Variants in GPER1 observed in about 807,000 individuals in gnomAD.
GPER1 encodes G protein-coupled estrogen receptor 1, also known as G protein-coupled receptor 30.
A neutral mutation model predicts 0.6 loss-of-function variants in GPER1; 2 were observed. That is an observed-to-expected ratio of 3.41 (90% CI 1.39 to 10.72). The LOEUF is 10.72. Ranked by LOEUF, GPER1 falls within the 30% of genes most tolerant of loss-of-function variation. GPER1 has a pLI of 0.04. For synonymous variants in GPER1, 263 were observed against 247.6 expected (o/e 1.06, Z -0.58); for missense variants, 441 against 535.2 (o/e 0.82, Z 1.74).
At chr7:1,090,003 T>TA (rs915018251) in intron 1 of GPER1, among the ~76,000 whole-genome samples, 1 of 151,444 alleles carries the variant, frequency 6.6e-6, no homozygotes, top group Non-Finnish European at 1.5e-5. Flanking sequence ...AGAACCACTC[T>TA]AACCCGGGAG....
Position 1,088,285 on chromosome 7 carries a change from G to A in GPER1, c.-359G>A, listed in dbSNP as rs909961769. On this transcript the variant is annotated 5_prime_UTR_variant, in exon 1 of 2. Coordinates refer to ENST00000397088, the MANE Select transcript of GPER1 (RefSeq NM_001098201.3). The surrounding 1 kb of genome is among the most constrained non-coding windows in gnomAD (Gnocchi z 4.5). ...CCTCCAGCCTGATGGGCCTGACCAA[G>A]GAGGCTTCCAGGAGCACAGAAGGGG... 1 of 152,338 alleles carries A rather than the reference G, an allele frequency of 6.6e-6. No homozygotes were observed. The highest frequency in any genetic ancestry group is 2.1e-4 in the South Asian group (1 of 4,836). The allele number at this position is 152,338 out of a possible 1,614,324, so 9.4% of individuals were successfully genotyped here.
rs1477033396 is a variant in GPER1, at chr7:1,093,436, A to G, written c.*580A>G. ...TCTGGTGCACGCCTGAGCGTCCTCC[A>G]TCTTCCAGGATGGCAGCAATGGCGC... On this transcript the variant is annotated 3_prime_UTR_variant, in exon 2 of 2. Transcript: ENST00000397088. The G allele has an allele frequency of 8.6e-6, 4 of 463,696 alleles. No individual in the cohort carries two copies. The highest frequency in any genetic ancestry group is 1.8e-5 in the Non-Finnish European group (4 of 222,170). 28.7% of individuals were successfully genotyped at this position (463,696 alleles called of 1,614,324 possible).
At chr7:1,090,078 AC>A (rs1247650359) in intron 1 of GPER1, among the ~76,000 whole-genome samples, 1 of 152,052 alleles carries the variant, frequency 6.6e-6, no homozygotes, top group African/African-American at 2.4e-5. Flanking sequence ...AAAAAAAAAA[AC>A]ATTCAAAACA....
In GPER1 at chr7:1,089,690, T is replaced by C. The variant is rs1053613650; in HGVS notation, c.-323+1369T>C. Among the ~76,000 whole-genome samples, 7 of 149,536 alleles carry C rather than the reference T, an allele frequency of 4.7e-5. 1 individual carries two copies. Among genetic ancestry groups the C allele is most frequent in the Admixed American group, 4.7e-4 (7 of 14,994 alleles). ...CTCCCACCTCATCTTCCTGAAGTGC[T>C]GGGATTATAGGCCAGCCTTTTTTTT... is the stretch of plus-strand genomic sequence containing the variant. On this transcript the variant is annotated intron_variant, in intron 1 of 1. Coordinates refer to ENST00000397088, the MANE Select transcript of GPER1 (RefSeq NM_001098201.3).
intron 1 of GPER1, among the ~76,000 whole-genome samples, chr7:1,090,534 G>A (rs564448158): frequency 6.6e-6 from 1 of 151,554 alleles, no homozygotes; most frequent in Non-Finnish European, 1.5e-5. Context: ...GGCAGGTGAT[G>A]GGACCCTACC....
rs543666614 is a variant in GPER1, at chr7:1,092,486, G to A, written c.758G>A (p.Arg253Gln). 2.4e-5 allele frequency: 39 copies of A among 1,607,376 alleles called. No homozygotes were observed. Among genetic ancestry groups the A allele is most frequent in the South Asian group, 1.9e-4 (17 of 91,036 alleles). ...RAHRHRGLRP[R>Q]RQKALRMILA... is the part of the protein sequence containing the mutation. ...CACCGGCACCGTGGGCTGCGGCCCC[G>A]GCGGCAGAAGGCGCTCCGCATGATC... Residue 253 changes from arginine (R) to glutamine (Q), a missense_variant, in exon 2 of 2, where the codon CGG becomes CAG. Coordinates refer to ENST00000397088, the MANE Select transcript of GPER1 (RefSeq NM_001098201.3).
rs573519884 is a variant in GPER1 at position 1,093,280 on chromosome 7, G to A, written c.*424G>A. ...GGAACCCTAAAGCAAATCTGCCACC[G>A]TGGGGGAACTGACGCTGGAGATGCA... On this transcript the variant is annotated 3_prime_UTR_variant, in exon 2 of 2. Coordinates refer to ENST00000397088, the MANE Select transcript of GPER1 (RefSeq NM_001098201.3). 3.7e-5 allele frequency: 16 copies of A among 438,224 alleles called. No homozygotes were observed. The East Asian group carries it at 9.1e-4, about 25-fold the overall frequency. 27.1% of individuals were successfully genotyped at this position (438,224 alleles called of 1,614,324 possible).
At position 1,090,153 on chromosome 7, in the gene GPER1, T is replaced by C. The variant is rs535899125; in HGVS notation, c.-322-1254T>C. ...CCAAAGGAAAAACAACTCAAACCCATTTTGAAGTGTTAGTTTACTCCAGGG... is the reference window on the plus strand; with the variant it reads ...CCAAAGGAAAAACAACTCAAACCCACTTTGAAGTGTTAGTTTACTCCAGGG... On this transcript the variant is annotated intron_variant, in intron 1 of 1. Transcript: ENST00000397088. 5.3e-5 allele frequency among the ~76,000 whole-genome samples: 8 copies of C among 152,060 alleles called. No individual in the cohort carries two copies. In the South Asian group the frequency reaches 1.7e-3, roughly 32 times the overall value.
At chr7:1,089,756 C>T (rs12702016) in intron 1 of GPER1, among the ~76,000 whole-genome samples, 97,592 of 142,964 alleles carry the variant, frequency 0.68, 34,025 homozygotes, top group African/African-American at 0.86. Context: ...AATAGGTCAA[C>T]AAATCTCTAG....
At chr7:1,089,595 C>CT (rs922563230) in intron 1 of GPER1, among the ~76,000 whole-genome samples, 24 of 151,520 alleles carry the variant, frequency 1.6e-4, no homozygotes, top group African/African-American at 5.1e-4. Context: ...CTTTTTTTGT[C>CT]TTTTTTTAGT....
At chr7:1,090,015 C>T (rs1431620399) in intron 1 of GPER1, among the ~76,000 whole-genome samples, 1 of 151,456 alleles carries the variant, frequency 6.6e-6, no homozygotes, top group Non-Finnish European at 1.5e-5. Flanking sequence ...ACCCGGGAGG[C>T]GGCAGTTGCA....
rs180911837 is a variant in GPER1 at position 1,093,325 on chromosome 7, C to A, written c.*469C>A. On this transcript the variant is annotated 3_prime_UTR_variant, in exon 2 of 2. Coordinates refer to ENST00000397088, the MANE Select transcript of GPER1 (RefSeq NM_001098201.3). ...GATGCAAGGTGCTGGTGGGTCTGAG[C>A]TGGACGTCGCGGTGTGTCCTCTGTG... is the stretch of plus-strand genomic sequence containing the variant. The A allele has an allele frequency of 2.1e-3, 903 of 423,418 alleles. 4 individuals carry two copies. Among genetic ancestry groups the A allele is most frequent in the Non-Finnish European group, 3.6e-3 (724 of 200,880 alleles). The allele number at this position is 423,418 out of a possible 1,614,324, so 26.2% of individuals were successfully genotyped here.
In GPER1 at chr7:1,093,136, C is replaced by T. The variant is rs552109980; in HGVS notation, c.*280C>T. ...CGGTGACCAGCCTGTCACCCAGCTCCTCCCCGCCAACCCTGCCTGCCGCTG... is the reference window on the plus strand; with the variant it reads ...CGGTGACCAGCCTGTCACCCAGCTCTTCCCCGCCAACCCTGCCTGCCGCTG... On this transcript the variant is annotated 3_prime_UTR_variant, in exon 2 of 2. Transcript: ENST00000397088. 39 of 627,890 alleles carry T rather than the reference C, an allele frequency of 6.2e-5. No homozygotes were observed. In the African/African-American group the frequency reaches 6.7e-4, roughly 11 times the overall value. 38.9% of individuals were successfully genotyped at this position (627,890 alleles called of 1,614,324 possible). A position where few individuals can be genotyped will look rare whatever the true frequency, so the allele number is the denominator to read the frequency against.
At position 1,091,484 on chromosome 7, in the gene GPER1, C is replaced by T. The variant is rs115385429; in HGVS notation, c.-245C>T. The T allele has an allele frequency of 1.8e-5, 9 of 488,334 alleles. No individual in the cohort carries two copies. Among genetic ancestry groups the T allele is most frequent in the South Asian group, 7.6e-5 (2 of 26,174 alleles). 30.3% of individuals were successfully genotyped at this position (488,334 alleles called of 1,614,324 possible). A position where few individuals can be genotyped will look rare whatever the true frequency, so the allele number is the denominator to read the frequency against. ...CGCAGGGACGCCCGCCGGACGAGCACGCGGAGGGCCCTCGCCTCCACGGAT... is the reference window on the plus strand; with the variant it reads ...CGCAGGGACGCCCGCCGGACGAGCATGCGGAGGGCCCTCGCCTCCACGGAT... On this transcript the variant is annotated 5_prime_UTR_variant, in exon 2 of 2. It adds an upstream start codon to the 5' untranslated region. Coordinates refer to ENST00000397088, the MANE Select transcript of GPER1 (RefSeq NM_001098201.3).
Position 1,088,854 on chromosome 7 carries a change from C to G in GPER1, c.-323+533C>G, listed in dbSNP as rs972535649. On this transcript the variant is annotated intron_variant, in intron 1 of 1. Transcript: ENST00000397088. This position sits in a 1 kb window ranked among gnomAD's most constrained non-coding sequence, Gnocchi z 4.5. ...CGTGGGGCCAGTGGTGAATGGCACA[C>G]TAGGTTCCTCTCACCCAGGACCACA... Among the ~76,000 whole-genome samples the G allele has an allele frequency of 1.3e-5, 2 of 151,978 alleles. No homozygotes were observed. Among genetic ancestry groups the G allele is most frequent in the African/African-American group, 4.8e-5 (2 of 41,380 alleles).
intron 1 of GPER1, among the ~76,000 whole-genome samples, chr7:1,089,993 A>G (rs2128225779): frequency 6.6e-6 from 1 of 152,052 alleles, no homozygotes. Context: ...CTGAGGCAGG[A>G]GAACCACTCT....
intron 1 of GPER1, among the ~76,000 whole-genome samples, chr7:1,090,489 C>A (rs921211428): frequency 1.5e-4 from 22 of 151,678 alleles, no homozygotes; most frequent in Non-Finnish European, 3.1e-4. Context: ...GGTGATGGGA[C>A]CCTCCCCACT....
rs1788030714 is a variant in GPER1, at chr7:1,091,941, C to T, written c.213C>T (p.Pro71=). The T allele has an allele frequency of 1.2e-6, 2 of 1,613,986 alleles. No individual in the cohort carries two copies. The highest frequency in any genetic ancestry group is 2.2e-5 in the South Asian group (2 of 91,090). Residue 71 remains proline (P), a synonymous_variant, in exon 2 of 2, where the codon CCC becomes CCT. Transcript: ENST00000397088. ...LSCLYTIFLF[P]IGFVGNILIL... Reference sequence around the variant, plus strand: ...GCCTCTACACCATCTTCCTCTTCCCCATCGGCTTTGTGGGCAACATCCTGA... The same window carrying T: ...GCCTCTACACCATCTTCCTCTTCCCTATCGGCTTTGTGGGCAACATCCTGA...
intron 1 of GPER1, among the ~76,000 whole-genome samples, chr7:1,090,176 G>T (rs1787813299): frequency 6.6e-6 from 1 of 152,222 alleles, no homozygotes. Flanking sequence ...GTTTACTCCA[G>T]GGCACCAGCA....
Sources: gnomAD v4.1 joint callset for allele counts (sites outside exome capture counted in the v4.1 genomes callset) on GRCh38, gnomAD v4.1.1 for gene constraint, Gnocchi (gnomAD v3.1) non-coding constraint, MANE v1.5 for transcripts, NCBI Gene and HGNC (gene_info 2026-07-23, HGNC 2026-07-21) for gene names.